Variants in CDH20 observed in about 807,000 individuals in gnomAD.
The protein encoded by CDH20 is cadherin 20, also known as cadherin-20.
A neutral mutation model predicts 74.2 loss-of-function variants in CDH20; 29 were observed. The ratio of observed to expected loss-of-function variants is 0.39; its 90% confidence interval spans 0.29 to 0.53. CDH20 has a LOEUF of 0.53. Among genes scored for constraint, CDH20 ranks in the 20% least tolerant of loss-of-function variants. The pLI is 0.69. For missense variants in CDH20, 988 were observed against 1,048.3 expected (o/e 0.94, Z 0.79); for synonymous variants, 469 against 405.4 (o/e 1.16, Z -1.88).
At chr18:61,431,354 C>A (rs946759867) in intron 1 of CDH20, among the ~76,000 whole-genome samples, 1 of 152,074 alleles carries the variant, frequency 6.6e-6, no homozygotes, top group Non-Finnish European at 1.5e-5. Flanking sequence ...CTGGGACAGA[C>A]AAAGGATGTT....
At chr18:61,418,659 A>G (rs973136675) in intron 1 of CDH20, among the ~76,000 whole-genome samples, 1 of 152,054 alleles carries the variant, frequency 6.6e-6, no homozygotes, top group African/African-American at 2.4e-5. Context: ...CAATTTAACA[A>G]GTTTTCCAGG....
intron 6 of CDH20, among the ~76,000 whole-genome samples, chr18:61,518,302 AC>A: frequency 6.6e-6 from 1 of 152,056 alleles, no homozygotes; most frequent in South Asian, 2.1e-4. Context: ...TGGGTCCTTG[AC>A]CCCCGTGCCT....
intron 1 of CDH20, among the ~76,000 whole-genome samples, chr18:61,342,705 C>T (rs934940695): frequency 6.6e-6 from 1 of 152,146 alleles, no homozygotes; most frequent in Non-Finnish European, 1.5e-5. Flanking sequence ...AGAACCACTG[C>T]CATAGTAAAG....
intron 1 of CDH20, among the ~76,000 whole-genome samples, chr18:61,451,881 T>G (rs1007583465): frequency 2.0e-5 from 3 of 152,168 alleles, no homozygotes; most frequent in African/African-American, 7.2e-5. Context: ...TTTCCCTTTA[T>G]AAGAACTGAC....
intron 1 of CDH20, among the ~76,000 whole-genome samples, chr18:61,487,189 T>C (rs1411608075): frequency 2.6e-5 from 4 of 152,210 alleles, no homozygotes; most frequent in Admixed American, 6.5e-5. Context: ...GATCTATATA[T>C]ACAAATACAC....
intron 1 of CDH20, among the ~76,000 whole-genome samples, chr18:61,476,114 C>T (rs1185517860): frequency 1.3e-5 from 2 of 152,172 alleles, no homozygotes; most frequent in East Asian, 1.9e-4. Flanking sequence ...TCTGGAGTCT[C>T]GCCACATCCC....
At chr18:61,549,544 A>G (rs1358384124) in intron 10 of CDH20, among the ~76,000 whole-genome samples, 2 of 152,216 alleles carry the variant, frequency 1.3e-5, no homozygotes, top group Admixed American at 6.5e-5. Flanking sequence ...ACAGTCACAC[A>G]GGCTCCTCAG....
chr18:61,419,201 C>T (rs886231338), intron 1 of CDH20, among the ~76,000 whole-genome samples: 1 of 152,086 alleles, frequency 6.6e-6, no homozygotes, highest in African/African-American at 2.4e-5. Context: ...GAAGCTGAGA[C>T]TTACAGGTAT....
intron 1 of CDH20, among the ~76,000 whole-genome samples, chr18:61,450,078 G>A (rs66703930): frequency 0.048 from 7,363 of 152,076 alleles, 330 homozygotes; most frequent in East Asian, 0.22. Flanking sequence ...AGCAGCAGCA[G>A]CATCCTATTC....
intron 1 of CDH20, among the ~76,000 whole-genome samples, chr18:61,454,019 T>C (rs903368928): frequency 2.6e-5 from 4 of 152,204 alleles, no homozygotes; most frequent in Non-Finnish European, 2.9e-5. Flanking sequence ...TATGGCACTA[T>C]GTCATAGTGG....
At chr18:61,502,027 G>T (rs1911401831) in intron 4 of CDH20, among the ~76,000 whole-genome samples, 1 of 152,218 alleles carries the variant, frequency 6.6e-6, no homozygotes, top group Non-Finnish European at 1.5e-5. Flanking sequence ...ACATTATAGG[G>T]GTAAACTGGG....
chr18:61,475,445 T>C (rs1473973368), intron 1 of CDH20, among the ~76,000 whole-genome samples: 1 of 152,232 alleles, frequency 6.6e-6, no homozygotes, highest in Non-Finnish European at 1.5e-5. Context: ...CTCACTAATC[T>C]TACATTGTTC....
At chr18:61,502,646 T>C (rs563783904) in intron 4 of CDH20, among the ~76,000 whole-genome samples, 44 of 152,266 alleles carry the variant, frequency 2.9e-4, no homozygotes, top group African/African-American at 8.9e-4. Context: ...TGAAATCGCC[T>C]TGGACCACAA....
intron 1 of CDH20, among the ~76,000 whole-genome samples, chr18:61,394,542 G>A (rs1911897594): frequency 1.3e-5 from 2 of 152,240 alleles, no homozygotes; most frequent in South Asian, 4.2e-4. Context: ...GAAGCCAAAG[G>A]AGAGGCCTGG....
chr18:61,413,812 G>T (rs1158070705), intron 1 of CDH20, among the ~76,000 whole-genome samples: 1 of 152,020 alleles, frequency 6.6e-6, no homozygotes, highest in Non-Finnish European at 1.5e-5. Context: ...AAATGTGATG[G>T]TAACATGAAG....
At chr18:61,406,365 C>T (rs948360233) in intron 1 of CDH20, among the ~76,000 whole-genome samples, 2 of 152,200 alleles carry the variant, frequency 1.3e-5, no homozygotes, top group African/African-American at 4.8e-5. Context: ...TCTCATCTCA[C>T]TCATTTGTTC....
At chr18:61,352,060 A>C (rs1910323415) in intron 1 of CDH20, among the ~76,000 whole-genome samples, 1 of 152,222 alleles carries the variant, frequency 6.6e-6, no homozygotes, top group Non-Finnish European at 1.5e-5. Flanking sequence ...CCCTCCTTGG[A>C]GAACAGCTTC....
Position 61,507,457 on chromosome 18 carries a change from T to G in CDH20, c.914T>G (p.Ile305Ser). Reference protein sequence around the residue: ...RVFAKDLDEGINAEMKYTIVD... With the variant: ...RVFAKDLDEGSNAEMKYTIVD... Reference sequence around the variant, plus strand: ...TTTGCCAAGGACTTGGATGAAGGCATCAATGCAGAGATGAAATATACTATT... The same window carrying G: ...TTTGCCAAGGACTTGGATGAAGGCAGCAATGCAGAGATGAAATATACTATT... Residue 305 changes from isoleucine (I) to serine (S), a missense_variant, in exon 6 of 12, where the codon ATC (isoleucine) becomes AGC (serine). By Grantham distance (142) the Ile-to-Ser change is moderately radical. Transcript: ENST00000262717. 1 of 1,614,012 alleles carries G rather than the reference T, an allele frequency of 6.2e-7. No individual in the cohort carries two copies. The highest frequency in any genetic ancestry group is 1.1e-5 in the South Asian group (1 of 91,070).
intron 1 of CDH20, among the ~76,000 whole-genome samples, chr18:61,463,283 C>A (rs1354808170): frequency 2.0e-5 from 3 of 152,192 alleles, no homozygotes; most frequent in South Asian, 2.1e-4. Flanking sequence ...CCGGTATCAT[C>A]CTCAAGAGAA....
Sources: allele counts gnomAD v4.1 joint callset (sites outside exome capture counted in the v4.1 genomes callset), GRCh38; gene constraint gnomAD v4.1.1; transcripts MANE v1.5; gene names NCBI Gene and HGNC (gene_info 2026-07-23, HGNC 2026-07-21).